Variants in CELF4 observed in about 807,000 individuals in gnomAD.
CELF4 encodes CUGBP Elav-like family member 4.
In CELF4, 18 loss-of-function variants were observed where a neutral mutation model predicts 59.9. That is an observed-to-expected ratio of 0.30 (90% CI 0.21 to 0.45). The LOEUF is 0.45. CELF4 is among the 20% of genes least tolerant of loss of function. The probability of loss-of-function intolerance (pLI) is 1.00; values close to 1 mark genes in which losing one functional copy is unlikely to be tolerated. For missense variants in CELF4, 456 were observed against 689.0 expected (o/e 0.66, Z 3.79); for synonymous variants, 261 against 267.1 (o/e 0.98, Z 0.22).
chr18:37,348,387 C>A (rs1368082332), intron 2 of CELF4, among the ~76,000 whole-genome samples: 1 of 152,116 alleles, frequency 6.6e-6, no homozygotes, highest in East Asian at 1.9e-4. Flanking sequence ...CCCACTGAAG[C>A]CTTCCTCCCT....
chr18:37,446,555 C>T (rs999265146), intron 2 of CELF4, among the ~76,000 whole-genome samples: 2 of 152,212 alleles, frequency 1.3e-5, no homozygotes, highest in Non-Finnish European at 2.9e-5. Context: ...ATGGTCCCAG[C>T]CCCCAGTGTG....
chr18:37,435,239 AGC>A (rs2154600932), intron 2 of CELF4, among the ~76,000 whole-genome samples: 1 of 152,152 alleles, frequency 6.6e-6, no homozygotes, highest in African/African-American at 2.4e-5. Context: ...TTTCTCTGTG[AGC>A]ATCTAGAAGC....
At chr18:37,290,052 G>T (rs1454340949) in intron 3 of CELF4, among the ~76,000 whole-genome samples, 1 of 152,202 alleles carries the variant, frequency 6.6e-6, no homozygotes, top group East Asian at 1.9e-4. Context: ...GCAGCATGGA[G>T]GGGCATGGCT....
intron 2 of CELF4, among the ~76,000 whole-genome samples, chr18:37,440,967 C>T (rs893556380): frequency 1.3e-5 from 2 of 152,168 alleles, no homozygotes; most frequent in African/African-American, 4.8e-5. Flanking sequence ...TAAAGTGGTG[C>T]AAGGAATGTG....
intron 3 of CELF4, among the ~76,000 whole-genome samples, chr18:37,279,173 C>G (rs2154376309): frequency 6.6e-6 from 1 of 152,290 alleles, no homozygotes; most frequent in East Asian, 1.9e-4. Context: ...CAGCCCTGAG[C>G]CTGTTGCTTC....
chr18:37,470,883 T>TACA (rs1272274685), intron 2 of CELF4, among the ~76,000 whole-genome samples: 5,915 of 82,382 alleles, frequency 0.072, 222 homozygotes, highest in East Asian at 0.16. Flanking sequence ...TGTGTGTGTG[T>TACA]GTGTGACAGA....
At chr18:37,502,729 G>A (rs1474953924) in intron 1 of CELF4, among the ~76,000 whole-genome samples, 1 of 152,136 alleles carries the variant, frequency 6.6e-6, no homozygotes, top group Non-Finnish European at 1.5e-5. Flanking sequence ...CCAGCTCCCT[G>A]TCTCACCTCA....
chr18:37,399,880 A>G (rs1255467701), intron 2 of CELF4, among the ~76,000 whole-genome samples: 1 of 152,178 alleles, frequency 6.6e-6, no homozygotes, highest in African/African-American at 2.4e-5. Context: ...CTCTGGCTCA[A>G]TCATTCCTTG....
At chr18:37,394,270 G>A (rs1283889609) in intron 2 of CELF4, among the ~76,000 whole-genome samples, 3 of 152,242 alleles carry the variant, frequency 2.0e-5, no homozygotes, top group African/African-American at 7.2e-5. Flanking sequence ...CGCAGAGCAG[G>A]GAGAGGGACG....
At chr18:37,279,386 C>A (rs1399506017) in intron 3 of CELF4, among the ~76,000 whole-genome samples, 4 of 152,170 alleles carry the variant, frequency 2.6e-5, no homozygotes, top group African/African-American at 9.7e-5. Flanking sequence ...GCCCAGAATT[C>A]TCTTGACAGA....
In CELF4 at chr18:37,274,446, C is replaced by A. The variant is rs778279875; in HGVS notation, c.666G>T (p.Ser222=). ...CGGCGAACTTGACCACCAGACTGGA[C>A]GAGGCTCCCTGCGGCCGGGGCGGCG... is the stretch of plus-strand genomic sequence containing the variant. ...LHGSQTMPGA[S]SSLVVKFADT... The change falls in exon 6 of 13, where the codon TCG becomes TCT. Residue 222 remains serine, a synonymous_variant. Transcript: ENST00000420428. 6.2e-7 allele frequency: 1 copy of A among 1,612,902 alleles called. No homozygotes were observed. The highest frequency in any genetic ancestry group is 8.5e-7 in the Non-Finnish European group (1 of 1,179,754).
intron 1 of CELF4, among the ~76,000 whole-genome samples, chr18:37,486,443 A>C (rs1421273693): frequency 6.6e-6 from 1 of 152,110 alleles, no homozygotes; most frequent in African/African-American, 2.4e-5. Context: ...GAATATACTC[A>C]AGGGGTGACT....
chr18:37,448,601 T>C (rs1178499776), intron 2 of CELF4, among the ~76,000 whole-genome samples: 1 of 152,218 alleles, frequency 6.6e-6, no homozygotes, highest in Non-Finnish European at 1.5e-5. Context: ...TGCTGGCCCC[T>C]GACAGCGTCC....
In CELF4 at chr18:37,288,919, C is replaced by A. The variant is rs1387156161; in HGVS notation, c.449-13676G>T. ...CTTAAGGGTGGCAATATTTGGTTAC[C>A]GTGAAATTCCTTTAACAGAGTGGCA... On this transcript the variant is annotated intron_variant, in intron 3 of 12. Transcript: ENST00000420428. 3.3e-5 allele frequency among the ~76,000 whole-genome samples: 5 copies of A among 152,148 alleles called. No individual in the cohort carries two copies. The East Asian group carries it at 9.6e-4, about 29-fold the overall frequency.
At chr18:37,319,977 G>A (rs72883691) in intron 3 of CELF4, among the ~76,000 whole-genome samples, 8,848 of 152,276 alleles carry the variant, frequency 0.058, 318 homozygotes, top group Middle Eastern at 0.12. Flanking sequence ...CAGCCCTGGC[G>A]GGGGGAAGGG....
At chr18:37,292,220 C>T (rs76848715) in intron 3 of CELF4, among the ~76,000 whole-genome samples, 4,541 of 152,240 alleles carry the variant, frequency 0.03, 85 homozygotes, top group Middle Eastern at 0.071. Context: ...TTTGTTATAG[C>T]AGCCCAAATG....
In CELF4 at chr18:37,245,413, G is replaced by A. The variant is rs1234262680; in HGVS notation, c.*45-216C>T. Among the ~76,000 whole-genome samples the A allele has an allele frequency of 6.6e-6, 1 of 152,124 alleles. No individual in the cohort carries two copies. The highest frequency in any genetic ancestry group is 1.5e-5 in the Non-Finnish European group (1 of 68,030). On this transcript the variant is annotated intron_variant, in intron 12 of 12. Transcript: ENST00000420428. The surrounding 1 kb of genome is among the most constrained non-coding windows in gnomAD (Gnocchi z 4.1). Reference sequence around the variant, plus strand: ...AGTAGAAACCACTGGGAGGTCTAGTGGTGATGGTTGTAGCTGAGGTTTCGT... The same window carrying A: ...AGTAGAAACCACTGGGAGGTCTAGTAGTGATGGTTGTAGCTGAGGTTTCGT...
intron 2 of CELF4, among the ~76,000 whole-genome samples, chr18:37,385,889 A>G (rs747242314): frequency 2.0e-5 from 3 of 152,196 alleles, no homozygotes; most frequent in Non-Finnish European, 4.4e-5. Context: ...ACCTTCATAT[A>G]AGTCTGTGAA....
In CELF4 at chr18:37,243,601, CTA is replaced by C. The variant is rs985560573; in HGVS notation, c.*1639_*1640del. ...TAAATAGTTTTCCTTGTTTTTTTCTCTATCATTACAATTAAAAGTCCTACAAA... is the reference window on the plus strand; with the variant it reads ...TAAATAGTTTTCCTTGTTTTTTTCTCTCATTACAATTAAAAGTCCTACAAA... On this transcript the variant is annotated 3_prime_UTR_variant, in exon 13 of 13. Coordinates refer to ENST00000420428, the MANE Select transcript of CELF4 (RefSeq NM_020180.4). 6.6e-6 allele frequency: 1 copy of C among 151,938 alleles called. No individual in the cohort carries two copies. Among genetic ancestry groups the C allele is most frequent in the African/African-American group, 2.4e-5 (1 of 41,358 alleles). The allele number at this position is 151,938 out of a possible 1,614,324, so 9.4% of individuals were successfully genotyped here. A position where few individuals can be genotyped will look rare whatever the true frequency, so the allele number is the denominator to read the frequency against.
Sources: gnomAD v4.1 joint callset for allele counts (sites outside exome capture counted in the v4.1 genomes callset) on GRCh38, gnomAD v4.1.1 for gene constraint, Gnocchi (gnomAD v3.1) non-coding constraint, MANE v1.5 for transcripts, NCBI Gene and HGNC (gene_info 2026-07-23, HGNC 2026-07-21) for gene names.